Variants in SLC35D4 observed in about 807,000 individuals in gnomAD.
SLC35D4 encodes solute carrier family 35 member D4, also known as UDP-N-acetylglucosamine transporter SLC35D4.
chr18:23,432,679 TCAA>T, the SLC35D4 span, among the ~76,000 whole-genome samples: 1 of 131,314 alleles, frequency 7.6e-6, no homozygotes. Context: ...AGACTCCTTC[TCAA>T]AAAAAAAAAA....
the SLC35D4 span, among the ~76,000 whole-genome samples, chr18:23,434,396 G>T: frequency 6.6e-6 from 1 of 152,026 alleles, no homozygotes; most frequent in South Asian, 2.1e-4. Flanking sequence ...CTACGATTTC[G>T]ATTATTCAGA....
the SLC35D4 span, among the ~76,000 whole-genome samples, chr18:23,265,667 GTGGCCCCAC>G: frequency 1.3e-4 from 20 of 152,062 alleles, no homozygotes; most frequent in South Asian, 4.2e-3. Flanking sequence ...AACAGCTGCC[GTGGCCCCAC>G]TGAGACTTTG....
At chr18:23,400,473 A>G in the SLC35D4 span, among the ~76,000 whole-genome samples, 2 of 152,032 alleles carry the variant, frequency 1.3e-5, no homozygotes, top group African/African-American at 4.8e-5. Context: ...AAAATACAAA[A>G]GTTAGCCAGG....
chr18:23,252,306 A>G, the SLC35D4 span, among the ~76,000 whole-genome samples: 7 of 152,210 alleles, frequency 4.6e-5, no homozygotes, highest in Non-Finnish European at 7.3e-5. Flanking sequence ...GGGCTGCACA[A>G]CTATGCGAAT....
the SLC35D4 span, among the ~76,000 whole-genome samples, chr18:23,328,900 C>T: frequency 4.3e-4 from 66 of 152,206 alleles, no homozygotes; most frequent in African/African-American, 1.6e-3. Context: ...TAAATAACAC[C>T]ACACATCTAC....
chr18:23,274,057 C>A, the SLC35D4 span, among the ~76,000 whole-genome samples: 2 of 152,204 alleles, frequency 1.3e-5, no homozygotes, highest in African/African-American at 2.4e-5. Context: ...CTCAGCCTCC[C>A]GAGTAGCTGG....
At chr18:23,386,160 G>T in the SLC35D4 span, among the ~76,000 whole-genome samples, 1 of 150,636 alleles carries the variant, frequency 6.6e-6, no homozygotes, top group South Asian at 2.1e-4. Context: ...AAGAAAAATG[G>T]TCCCCTAAAA....
At chr18:23,313,126 CAAAAAAAAAAAAA>C in the SLC35D4 span, among the ~76,000 whole-genome samples, 29 of 29,490 alleles carry the variant, frequency 9.8e-4, no homozygotes, top group East Asian at 3.1e-3. Context: ...GACTACATCT[CAAAAAAAAAAAAA>C]AAAAAAAAAA....
chr18:23,380,239 T>C, the SLC35D4 span, among the ~76,000 whole-genome samples: 2 of 152,254 alleles, frequency 1.3e-5, no homozygotes, highest in South Asian at 2.1e-4. Context: ...AATCCTTTAA[T>C]CATGGGGTAA....
the SLC35D4 span, chr18:23,252,863 A>T: frequency 1.3e-6 from 1 of 758,894 alleles, no homozygotes; most frequent in Non-Finnish European, 2.3e-6. Flanking sequence ...CCCGTTGCTC[A>T]TGGCTTTGGG....
At chr18:23,404,011 G>A in the SLC35D4 span, among the ~76,000 whole-genome samples, 14 of 151,820 alleles carry the variant, frequency 9.2e-5, no homozygotes, top group South Asian at 1.0e-3. Flanking sequence ...CCAGCTGCTC[G>A]GGAGGCTCAG....
At chr18:23,301,709 C>T in the SLC35D4 span, among the ~76,000 whole-genome samples, 1 of 152,312 alleles carries the variant, frequency 6.6e-6, no homozygotes, top group Non-Finnish European at 1.5e-5. Context: ...GGGTGACTCT[C>T]CCCATCTATA....
chr18:23,414,955 T>A, the SLC35D4 span, among the ~76,000 whole-genome samples: 1 of 151,938 alleles, frequency 6.6e-6, no homozygotes, highest in African/African-American at 2.4e-5. Flanking sequence ...TCTACAAAAG[T>A]TTTAAAAATT....
chr18:23,435,842 C>T, the SLC35D4 span, among the ~76,000 whole-genome samples: 1 of 152,080 alleles, frequency 6.6e-6, no homozygotes, highest in Non-Finnish European at 1.5e-5. Flanking sequence ...ATTACAGGTG[C>T]CCACCACCAT....
the SLC35D4 span, among the ~76,000 whole-genome samples, chr18:23,362,397 G>C: frequency 6.6e-6 from 1 of 152,172 alleles, no homozygotes; most frequent in Non-Finnish European, 1.5e-5. Flanking sequence ...TCAGGCATTC[G>C]AGACCAGCCT....
the SLC35D4 span, among the ~76,000 whole-genome samples, chr18:23,371,941 T>TTTTTTTTTTTG: frequency 3.8e-5 from 1 of 26,306 alleles, no homozygotes; most frequent in Non-Finnish European, 1.0e-4. Context: ...TTTTGTTTTT[T>TTTTTTTTTTTG]TTTTTTTTTT....
At chr18:23,437,748 T>C in the SLC35D4 span, 1 of 1,601,420 alleles carries the variant, frequency 6.2e-7, no homozygotes, top group South Asian at 1.1e-5. Context: ...ACCTCCCACG[T>C]GCAATCGCTG....
At chr18:23,389,069 A>C in the SLC35D4 span, among the ~76,000 whole-genome samples, 2 of 144,550 alleles carry the variant, frequency 1.4e-5, no homozygotes, top group African/African-American at 5.2e-5. Context: ...GGCTCACTGC[A>C]ACCTCCACCT....
chr18:23,269,490 G>A, the SLC35D4 span, among the ~76,000 whole-genome samples: 1 of 152,210 alleles, frequency 6.6e-6, no homozygotes, highest in Non-Finnish European at 1.5e-5. Context: ...AGCAGTGTGA[G>A]AATGGACTAA....
Sources: gnomAD v4.1 joint callset for allele counts (sites outside exome capture counted in the v4.1 genomes callset) on GRCh38, gnomAD v4.1.1 for gene constraint, MANE v1.5 for transcripts, NCBI Gene and HGNC (gene_info 2026-07-23, HGNC 2026-07-21) for gene names.